RRBP1: variants seen among roughly 807,000 people sequenced by gnomAD.
RRBP1 encodes the protein ribosome binding protein 1.
Under a neutral mutation model 165.2 loss-of-function variants are expected in RRBP1, and 94 were observed. The observed-to-expected ratio is 0.57, with a 90% confidence interval of 0.48 to 0.68. The LOEUF (loss-of-function observed/expected upper bound fraction) is 0.68. RRBP1 is among the 30% of genes least tolerant of loss of function. The pLI is 0.00. For missense variants in RRBP1, 1,676 were observed against 1,763.0 expected (o/e 0.95, Z 0.88); for synonymous variants, 680 against 714.5 (o/e 0.95, Z 0.77).
intron 19 of RRBP1, 49 bp from the exon 20 acceptor site, chr20:17,618,728 A>T (rs1343233468): frequency 7.7e-6 from 11 of 1,431,308 alleles, no homozygotes; most frequent in African/African-American, 1.4e-5. Context: ...AGAGAAAAGG[A>T]GAAAACCAGT....
At chr20:17,625,996 C>A (rs960673283) in intron 11 of RRBP1, among the ~76,000 whole-genome samples, 5 of 152,124 alleles carry the variant, frequency 3.3e-5, no homozygotes, top group Non-Finnish European at 5.9e-5. Context: ...GAATGAGACT[C>A]CGAGGAAGAG....
chr20:17,627,894 A>G (rs1249024699), intron 9 of RRBP1, among the ~76,000 whole-genome samples: 1 of 152,212 alleles, frequency 6.6e-6, no homozygotes, highest in African/African-American at 2.4e-5. Context: ...CACTTCTGAG[A>G]ACCGTCAGGG....
At chr20:17,658,493 T>C in intron 3 of RRBP1, 103 bp downstream of exon 3, 1 of 1,010,420 alleles carries the variant, frequency 9.9e-7, no homozygotes, top group Non-Finnish European at 1.4e-6. Flanking sequence ...GCAGCCTTAT[T>C]ATGACAATAG....
At chr20:17,620,262 G>A (rs374125242) in intron 18 of RRBP1, 37 bp downstream of exon 18, 44 of 1,522,584 alleles carry the variant, frequency 2.9e-5, no homozygotes, top group South Asian at 4.5e-5. Context: ...AGAGGCTCCC[G>A]GGACAAGAGA....
At chr20:17,677,695 CG>C (rs1568793731) in intron 2 of RRBP1, among the ~76,000 whole-genome samples, 2 of 152,064 alleles carry the variant, frequency 1.3e-5, no homozygotes, top group Non-Finnish European at 2.9e-5. Flanking sequence ...CAAAATTAGC[CG>C]GGTGTGGTGG....
At chr20:17,652,648 T>C (rs1407934406) in intron 3 of RRBP1, among the ~76,000 whole-genome samples, 2 of 152,020 alleles carry the variant, frequency 1.3e-5, no homozygotes, top group African/African-American at 4.8e-5. Context: ...TTGCCTCAGG[T>C]TGGGCACACA....
At chr20:17,616,441 C>T (rs2035800874) in intron 21 of RRBP1, among the ~76,000 whole-genome samples, 1 of 152,162 alleles carries the variant, frequency 6.6e-6, no homozygotes, top group Non-Finnish European at 1.5e-5. Context: ...TGGCTGCAGA[C>T]CCTGCCCAGA....
chr20:17,613,728 C>T lies in RRBP1; in HGVS notation c.*454G>A, dbSNP rs1327662970. ...TGGCATCAACACCCAGGAGGTCACA[C>T]GTCAGTTCTGGTTGGCAACGTCTAG... On this transcript the variant is annotated 3_prime_UTR_variant, in exon 25 of 25. Coordinates refer to ENST00000377813, the MANE Select transcript of RRBP1 (RefSeq NM_001365613.2). 2.5e-5 allele frequency: 4 copies of T among 158,554 alleles called. No homozygotes were observed. Among genetic ancestry groups the T allele is most frequent in the Non-Finnish European group, 5.6e-5 (4 of 71,920 alleles). The allele number at this position is 158,554 out of a possible 1,614,324, so 9.8% of individuals were successfully genotyped here. A position where few individuals can be genotyped will look rare whatever the true frequency, so the allele number is the denominator to read the frequency against.
chr20:17,624,772 C>T, intron 12 of RRBP1, 104 bp from the exon 13 acceptor site: 1 of 805,258 alleles, frequency 1.2e-6, no homozygotes, highest in Non-Finnish European at 2.0e-6. Context: ...TTGATGCCAC[C>T]CTGGCCCACA....
In RRBP1 at chr20:17,618,610, C is replaced by T. The variant is rs377725989; in HGVS notation, c.3745G>A (p.Asp1249Asn). 2.9e-5 allele frequency: 47 copies of T among 1,613,854 alleles called. No homozygotes were observed. The highest frequency in any genetic ancestry group is 1.3e-4 in the East Asian group (6 of 44,892). ...AAKSEAQKQSDELALVRQQLS... is the reference protein window; with the variant it reads ...AAKSEAQKQSNELALVRQQLS... ...AGGCCACCTACCAGGGCAAGCTCAT[C>T]GCTCTGTTTCTGGGCTTCGCTCTTG... Residue 1249 changes from aspartate to asparagine, a missense_variant, in exon 20 of 25, where the codon GAT (aspartate) becomes AAT (asparagine). Asp to Asn is a conservative substitution (Grantham distance 23, BLOSUM62 1). Around this residue, in one of 5 missense-constraint regions of RRBP1, gnomAD observed 1,184 missense variants for 1,167.1 expected, o/e 1.01. Coordinates refer to ENST00000377813, the MANE Select transcript of RRBP1 (RefSeq NM_001365613.2).
chr20:17,659,440 C>G lies in RRBP1; in HGVS notation c.1068G>C (p.Gln356His), dbSNP rs1342400398. ...QNQGKKAEGA[Q>H]NQGKKAEGAQ... The stretch of plus-strand genomic sequence containing the variant: ...CCCCCTCGGCCTTCTTGCCCTGATT[C>G]TGGGCCCCCTCGGCCTTCTTGCCCT... The change falls in exon 3 of 25, where the codon CAG (glutamine) becomes CAC (histidine). Residue 356 changes from glutamine (Q) to histidine (H), a missense_variant. Physicochemically the swap from Gln to His is conservative, Grantham distance 24. Transcript: ENST00000377813. 3 of 1,396,148 alleles carry G rather than the reference C, an allele frequency of 2.1e-6. No individual in the cohort carries two copies. The Admixed American group carries it at 6.5e-5, about 30-fold the overall frequency. 86.5% of individuals were successfully genotyped at this position (1,396,148 alleles called of 1,614,324 possible).
At position 17,618,717 on chromosome 20, in the gene RRBP1, GAGAGA is replaced by G. The variant is rs773628626; in HGVS notation, c.3676-43_3676-39del. 15 of 1,505,834 alleles carry G rather than the reference GAGAGA, an allele frequency of 1.0e-5. 1 individual carries two copies. The South Asian group carries it at 1.7e-4, about 17-fold the overall frequency. 93.3% of individuals were successfully genotyped at this position (1,505,834 alleles called of 1,614,324 possible). A position where few individuals can be genotyped will look rare whatever the true frequency, so the allele number is the denominator to read the frequency against. On this transcript the variant is annotated intron_variant, in intron 19 of 24. Coordinates refer to ENST00000377813, the MANE Select transcript of RRBP1 (RefSeq NM_001365613.2). ...ACAGAGGCGGGTGATGGGAAAAAAG[GAGAGA>G]AAAGGAGAAAACCAGTCCCCGTGAG...
intron 2 of RRBP1, among the ~76,000 whole-genome samples, chr20:17,676,295 T>C (rs1568792890): frequency 6.6e-6 from 1 of 152,098 alleles, no homozygotes; most frequent in African/African-American, 2.4e-5. Flanking sequence ...GTCTGGAAGG[T>C]AGAGCTGATG....
chr20:17,640,929 C>G (rs913094878), intron 5 of RRBP1, among the ~76,000 whole-genome samples: 2 of 152,248 alleles, frequency 1.3e-5, no homozygotes, highest in Non-Finnish European at 2.9e-5. Context: ...AGTCCACCAT[C>G]CAGGCCCTCC....
At chr20:17,644,482 C>T (rs1163570387) in intron 3 of RRBP1, among the ~76,000 whole-genome samples, 2 of 152,216 alleles carry the variant, frequency 1.3e-5, no homozygotes, top group East Asian at 1.9e-4. Flanking sequence ...GTTCACATTT[C>T]GGTTCCCAGC....
chr20:17,659,485 C>A lies in RRBP1; in HGVS notation c.1023G>T (p.Lys341Asn). The change falls in exon 3 of 25, where the codon AAG becomes AAT. Residue 341 changes from lysine to asparagine, a missense_variant. Coordinates refer to ENST00000377813, the MANE Select transcript of RRBP1 (RefSeq NM_001365613.2). ...KAEGAQNQGK[K>N]AEGAQNQGKK... is the part of the protein sequence containing the mutation. ...TGCCCTGATTCTGGGCCCCCTCGGCCTTCTTGCCCTGATTCTGGGCCCCCT... is the reference window on the plus strand; with the variant it reads ...TGCCCTGATTCTGGGCCCCCTCGGCATTCTTGCCCTGATTCTGGGCCCCCT... 4 of 1,540,216 alleles carry A rather than the reference C, an allele frequency of 2.6e-6. No individual in the cohort carries two copies. Among genetic ancestry groups the A allele is most frequent in the Middle Eastern group, 1.7e-4 (1 of 5,840 alleles).
chr20:17,615,919 G>A lies in RRBP1; in HGVS notation c.3951+7C>T, dbSNP rs779656099. The stretch of plus-strand genomic sequence containing the variant: ...TGGGGGCTGAGAGCCACCAGGCAGG[G>A]CCTGACCTCCTCAAACTCGGCCGTG... On this transcript the variant is annotated splice_region_variant and intron_variant, in intron 22 of 24. Transcript: ENST00000377813. 2.3e-5 allele frequency: 37 copies of A among 1,608,376 alleles called. 1 individual carries two copies. Among genetic ancestry groups the A allele is most frequent in the African/African-American group, 1.9e-4 (14 of 74,916 alleles).
At chr20:17,623,603 C>T (rs902975883) in intron 13 of RRBP1, among the ~76,000 whole-genome samples, 1 of 152,198 alleles carries the variant, frequency 6.6e-6, no homozygotes, top group African/African-American at 2.4e-5. Context: ...CCCGAGTGCT[C>T]GCTGCAAACA....
At chr20:17,670,587 A>G (rs747158356) in intron 2 of RRBP1, among the ~76,000 whole-genome samples, 2 of 152,124 alleles carry the variant, frequency 1.3e-5, no homozygotes, top group Non-Finnish European at 2.9e-5. Context: ...AGCCTCTCCA[A>G]CATTATTCTT....
Sources: gnomAD v4.1 joint callset for allele counts (sites outside exome capture counted in the v4.1 genomes callset) on GRCh38, gnomAD v4.1.1 for gene constraint, gnomAD v4.1.1 regional missense constraint, MANE v1.5 for transcripts, NCBI Gene and HGNC (gene_info 2026-07-23, HGNC 2026-07-21) for gene names.